Variants in MED22 observed in about 807,000 individuals in gnomAD.
MED22 encodes the protein mediator complex subunit 22.
Under a neutral mutation model 22.7 loss-of-function variants are expected in MED22, and 22 were observed. That is an observed-to-expected ratio of 0.97 (90% confidence interval 0.69 to 1.38). MED22 has a LOEUF of 1.38. Ranked by LOEUF, MED22 falls within the 40% of genes most tolerant of loss-of-function variation. The probability of loss-of-function intolerance (pLI) is 0.00; values close to 1 mark genes in which losing one functional copy is unlikely to be tolerated. For synonymous variants in MED22, 134 were observed against 119.4 expected, an observed-to-expected ratio of 1.12 and a Z score of -0.80; for missense variants, 247 against 263.0, an observed-to-expected ratio of 0.94 and a Z score of 0.42.
In MED22 at chr9:133,346,463, G is replaced by A. The variant is rs2129968228; in HGVS notation, c.123+77C>T. 1.6e-3 allele frequency: 2,529 copies of A among 1,572,480 alleles called. 37 individuals carry two copies. Among genetic ancestry groups the A allele is most frequent in the East Asian group, 7.9e-3 (352 of 44,576 alleles). ...CCTGCCTAGAACACTATTCACTCGC[G>A]CTGCTCAGCCCCTGGCCTCTCCTGT... On this transcript the variant is annotated intron_variant, in intron 2 of 4. Coordinates refer to ENST00000343730, the MANE Select transcript of MED22 (RefSeq NM_133640.5).
intron 2 of MED22, among the ~76,000 whole-genome samples, chr9:133,345,659 T>C (rs1836158742): frequency 6.6e-6 from 1 of 151,070 alleles, no homozygotes; most frequent in South Asian, 2.2e-4. Context: ...TCGCGACCAT[T>C]TCCTGATCAC....
intron 4 of MED22, chr9:133,343,032 T>C (rs1359853154): frequency 1.0e-6 from 1 of 987,136 alleles, no homozygotes; most frequent in African/African-American, 1.7e-5. Flanking sequence ...GCCACCCTAG[T>C]GTGGAGGAAA....
chr9:133,344,272 T>C lies in MED22; in HGVS notation c.266A>G (p.Asn89Ser), dbSNP rs148328690. 4.3e-6 allele frequency: 7 copies of C among 1,614,024 alleles called. No individual in the cohort carries two copies. The highest frequency in any genetic ancestry group is 5.9e-6 in the Non-Finnish European group (7 of 1,180,030). ...VSDLKQFLIL[N>S]DFPSVNEAID... ...GGCCTCGTTCACGGAGGGGAAGTCA[T>C]TGAGGATCAGGAACTGCTTGAGGTC... The change falls in exon 4 of 5, where the codon AAT becomes AGT. Residue 89 changes from asparagine to serine, a missense_variant. By Grantham distance (46) the Asn-to-Ser change is conservative (BLOSUM62 1). Coordinates refer to ENST00000343730, the MANE Select transcript of MED22 (RefSeq NM_133640.5).
At chr9:133,346,415 A>G in intron 2 of MED22, 125 bp downstream of exon 2, 2 of 1,221,686 alleles carry the variant, frequency 1.6e-6, no homozygotes, top group South Asian at 1.4e-5. Context: ...TCTACTGACC[A>G]GCTCCCTGTG....
Position 133,346,529 on chromosome 9 carries a change from C to G in MED22, c.123+11G>C. The G allele has an allele frequency of 6.2e-7, 1 of 1,612,070 alleles. No homozygotes were observed. The highest frequency in any genetic ancestry group is 8.5e-7 in the Non-Finnish European group (1 of 1,179,900). ...GACTCTGCTCCCCTTGGTGGGCCACCCCACCCCCACCTTGGCGGTCTTGAT... is the reference window on the plus strand; with the variant it reads ...GACTCTGCTCCCCTTGGTGGGCCACGCCACCCCCACCTTGGCGGTCTTGAT... On this transcript the variant is annotated intron_variant, in intron 2 of 4. Coordinates refer to ENST00000343730, the MANE Select transcript of MED22 (RefSeq NM_133640.5).
At chr9:133,344,434 C>G (rs1836122235) in intron 3 of MED22, 101 bp from the exon 4 acceptor site, 5 of 1,181,296 alleles carry the variant, frequency 4.2e-6, no homozygotes, top group Non-Finnish European at 4.9e-6. Context: ...CTAGGAGCCT[C>G]AGCTTCCTCA....
chr9:133,341,105 G>C lies in MED22; in HGVS notation c.*400C>G, dbSNP rs950845931. On this transcript the variant is annotated 3_prime_UTR_variant, in exon 5 of 5. Coordinates refer to ENST00000343730, the MANE Select transcript of MED22 (RefSeq NM_133640.5). ...CAGGAACGCTGGCCTCGGGATGGGA[G>C]ACCCGGCCTGCCCAACACTGCTCAG... 6.1e-6 allele frequency: 1 copy of C among 164,352 alleles called. No homozygotes were observed. Among genetic ancestry groups the C allele is most frequent in the African/African-American group, 2.4e-5 (1 of 41,810 alleles). The allele number at this position is 164,352 out of a possible 1,614,324, so 10.2% of individuals were successfully genotyped here.
In MED22 at chr9:133,348,099, C is replaced by G. The variant is rs1445371027; in HGVS notation, c.-216G>C. ...AACCTAGTCAGCCGCCGCAGCCTCT[C>G]GGCCCCGCCTCGATTTTTAGCTTTA... On this transcript the variant is annotated 5_prime_UTR_variant, in exon 1 of 5. Coordinates refer to ENST00000343730, the MANE Select transcript of MED22 (RefSeq NM_133640.5). 8.2e-7 allele frequency: 1 copy of G among 1,220,860 alleles called. No individual in the cohort carries two copies. The highest frequency in any genetic ancestry group is 2.3e-5 in the East Asian group (1 of 42,560). 75.6% of individuals were successfully genotyped at this position (1,220,860 alleles called of 1,614,324 possible).
In MED22 at chr9:133,340,594, C is replaced by T. The variant is rs1199430240; in HGVS notation, c.*911G>A. The T allele has an allele frequency of 1.3e-5, 2 of 152,290 alleles. No individual in the cohort carries two copies. The highest frequency in any genetic ancestry group is 3.8e-4 in the East Asian group (2 of 5,196). The allele number at this position is 152,290 out of a possible 1,614,324, so 9.4% of individuals were successfully genotyped here. Reference sequence around the variant, plus strand: ...AGTTCTGATTCCTGCCACTTCACTTCCTAGCTCTGTGGCCGTGGTACACCT... The same window carrying T: ...AGTTCTGATTCCTGCCACTTCACTTTCTAGCTCTGTGGCCGTGGTACACCT... On this transcript the variant is annotated 3_prime_UTR_variant, in exon 5 of 5. Coordinates refer to ENST00000343730, the MANE Select transcript of MED22 (RefSeq NM_133640.5).
In MED22 at chr9:133,338,741, C is replaced by T. The variant is rs2129941463; in HGVS notation, c.*2764G>A. On this transcript the variant is annotated 3_prime_UTR_variant, in exon 5 of 5. Coordinates refer to ENST00000343730, the MANE Select transcript of MED22 (RefSeq NM_133640.5). Reference sequence around the variant, plus strand: ...GCAGGCGTAAGCCACCGCGCCCGGCCGATTTCTATACTTTTTAGTAGAGAC... The same window carrying T: ...GCAGGCGTAAGCCACCGCGCCCGGCTGATTTCTATACTTTTTAGTAGAGAC... 9.5e-6 allele frequency: 3 copies of T among 314,740 alleles called. No individual in the cohort carries two copies. Among genetic ancestry groups the T allele is most frequent in the East Asian group, 7.9e-5 (1 of 12,718 alleles). 19.5% of individuals were successfully genotyped at this position (314,740 alleles called of 1,614,324 possible). A position where few individuals can be genotyped will look rare whatever the true frequency, so the allele number is the denominator to read the frequency against.
In MED22 at chr9:133,339,135, A is replaced by G; in HGVS notation, c.*2370T>C. 1 of 677,218 alleles carries G rather than the reference A, an allele frequency of 1.5e-6. No individual in the cohort carries two copies. The highest frequency in any genetic ancestry group is 1.8e-5 in the Admixed American group (1 of 56,138). 42.0% of individuals were successfully genotyped at this position (677,218 alleles called of 1,614,324 possible). A position where few individuals can be genotyped will look rare whatever the true frequency, so the allele number is the denominator to read the frequency against. ...GATATCAAGGGAATGGGTACTGTTC[A>G]AAAAGGAATGCCCCACAAATGTCAC... On this transcript the variant is annotated 3_prime_UTR_variant, in exon 5 of 5. Coordinates refer to ENST00000343730, the MANE Select transcript of MED22 (RefSeq NM_133640.5).
chr9:133,341,931 C>A, intron 4 of MED22: 1 of 1,313,118 alleles, frequency 7.6e-7, no homozygotes, highest in Admixed American at 4.3e-5. Context: ...CTGGCCCAAC[C>A]ACCAACAGCT....
Position 133,341,563 on chromosome 9 carries a change from T to C in MED22, c.545A>G (p.Gln182Arg), listed in dbSNP as rs2129949055. 6.4e-7 allele frequency: 1 copy of C among 1,560,584 alleles called. No homozygotes were observed. Among genetic ancestry groups the C allele is most frequent in the Non-Finnish European group, 8.6e-7 (1 of 1,160,866 alleles). The stretch of plus-strand genomic sequence containing the variant: ...ATGGGAGTGGGCAGGGGCTGCCACC[T>C]GTAGGGGGCCAGCACTGGGCTCCGG... Reference protein sequence around the residue: ...ASPEPSAGPLQVAAPAHSHAG... With the variant: ...ASPEPSAGPLRVAAPAHSHAG... Residue 182 changes from glutamine to arginine, a missense_variant, in exon 5 of 5, where the codon CAG becomes CGG. Gln to Arg is a conservative substitution (Grantham distance 43, BLOSUM62 1). Transcript: ENST00000343730.
intron 4 of MED22, 32 bp from the exon 5 acceptor site, chr9:133,341,726 C>A: frequency 6.3e-7 from 1 of 1,588,648 alleles, no homozygotes; most frequent in Non-Finnish European, 8.5e-7. Flanking sequence ...CAGGGAGAGA[C>A]AGGAGCAGGC....
rs1034671835 is a variant in MED22 at position 133,338,984 on chromosome 9, G to A, written c.*2521C>T. 3.5e-5 allele frequency: 27 copies of A among 769,736 alleles called. 1 individual carries two copies. Among genetic ancestry groups the A allele is most frequent in the Middle Eastern group, 2.6e-4 (1 of 3,804 alleles). The allele number at this position is 769,736 out of a possible 1,614,324, so 47.7% of individuals were successfully genotyped here. A position where few individuals can be genotyped will look rare whatever the true frequency, so the allele number is the denominator to read the frequency against. Reference sequence around the variant, plus strand: ...TGGAACCGCCACCTTCCAGTAATTCGCCAAAATGACGAACACAAAGGGAAA... The same window carrying A: ...TGGAACCGCCACCTTCCAGTAATTCACCAAAATGACGAACACAAAGGGAAA... On this transcript the variant is annotated 3_prime_UTR_variant, in exon 5 of 5. Transcript: ENST00000343730.
In MED22 at chr9:133,346,555, G is replaced by T. The variant is rs2129968704; in HGVS notation, c.108C>A (p.Ile36=). ...IKSIMDNFTE[I]IKTAKIEDET... is the part of the protein sequence containing the mutation. Reference sequence around the variant, plus strand: ...CCACCCCCACCTTGGCGGTCTTGATGATCTCGGTGAAGTTGTCCATGATGG... The same window carrying T: ...CCACCCCCACCTTGGCGGTCTTGATTATCTCGGTGAAGTTGTCCATGATGG... Residue 36 remains isoleucine, a synonymous_variant, in exon 2 of 5, where the codon ATC becomes ATA. Coordinates refer to ENST00000343730, the MANE Select transcript of MED22 (RefSeq NM_133640.5). The T allele has an allele frequency of 6.2e-7, 1 of 1,612,598 alleles. No homozygotes were observed.
In MED22 at chr9:133,348,055, C is replaced by A; in HGVS notation, c.-172G>T. On this transcript the variant is annotated 5_prime_UTR_variant, in exon 1 of 5. Coordinates refer to ENST00000343730, the MANE Select transcript of MED22 (RefSeq NM_133640.5). ...CCCTCCCGCCGCAGTCTCTCTTCCC[C>A]GCCGCGCCGCGGTCCGAAAACCTAG... 2.6e-6 allele frequency: 2 copies of A among 779,484 alleles called. No individual in the cohort carries two copies. Among genetic ancestry groups the A allele is most frequent in the Admixed American group, 4.3e-5 (2 of 46,526 alleles). The allele number at this position is 779,484 out of a possible 1,614,324, so 48.3% of individuals were successfully genotyped here. A position where few individuals can be genotyped will look rare whatever the true frequency, so the allele number is the denominator to read the frequency against.
chr9:133,346,205 C>A (rs2129967557), intron 2 of MED22, among the ~76,000 whole-genome samples: 11 of 152,082 alleles, frequency 7.2e-5, no homozygotes, highest in African/African-American at 2.4e-4. Context: ...GAGGCCCCCC[C>A]CCACTTCTCC....
At chr9:133,345,990 C>T (rs2129966737) in intron 2 of MED22, among the ~76,000 whole-genome samples, 1 of 152,242 alleles carries the variant, frequency 6.6e-6, no homozygotes, top group Non-Finnish European at 1.5e-5. Context: ...CATGAAGATT[C>T]AGCAGAACAG....
Sources: gnomAD v4.1 joint callset for allele counts (sites outside exome capture counted in the v4.1 genomes callset) on GRCh38, gnomAD v4.1.1 for gene constraint, MANE v1.5 for transcripts, NCBI Gene and HGNC (gene_info 2026-07-23, HGNC 2026-07-21) for gene names.